MGAT4C: variants seen among roughly 807,000 people sequenced by gnomAD.
MGAT4C encodes MGAT4 family member C, also known as alpha-1,3-mannosyl-glycoprotein 4-beta-N-acetylglucosaminyltransferase C.
MGAT4C carries 19 observed loss-of-function variants against 40.1 expected under a neutral mutation model. The observed-to-expected ratio is 0.47, with a 90% CI of 0.33 to 0.70. The LOEUF is 0.70. MGAT4C is among the 30% of genes least tolerant of loss of function. The pLI is 0.02. For missense variants in MGAT4C, 491 were observed against 563.2 expected, an observed-to-expected ratio of 0.87 and a Z score of 1.30; for synonymous variants, 181 against 187.1, an observed-to-expected ratio of 0.97 and a Z score of 0.27.
intron 1 of MGAT4C, among the ~76,000 whole-genome samples, chr12:86,064,510 A>C (rs1489400094): frequency 6.6e-6 from 1 of 152,262 alleles, no homozygotes. Flanking sequence ...TGTTCTTTGA[A>C]ACCAATGATA....
chr12:86,084,335 G>C (rs763021395), intron 1 of MGAT4C, among the ~76,000 whole-genome samples: 1 of 151,960 alleles, frequency 6.6e-6, no homozygotes, highest in Admixed American at 6.6e-5. Context: ...AGTATATGAA[G>C]TATTGTACCA....
chr12:86,556,853 C>T (rs1959635274), intron 2 of MGAT4C, among the ~76,000 whole-genome samples: 1 of 152,072 alleles, frequency 6.6e-6, no homozygotes. Flanking sequence ...CTCAACTATT[C>T]AGTTACAAAT....
chr12:86,407,689 CTG>C (rs1331455843), intron 3 of MGAT4C, among the ~76,000 whole-genome samples: 7 of 151,980 alleles, frequency 4.6e-5, no homozygotes, highest in African/African-American at 2.4e-5. Flanking sequence ...TTTCATAAAA[CTG>C]TTTATTCTGT....
intron 2 of MGAT4C, among the ~76,000 whole-genome samples, chr12:86,479,120 A>G (rs1275983383): frequency 6.6e-6 from 1 of 152,056 alleles, no homozygotes. Flanking sequence ...TTTCTAAACT[A>G]TGAAAAATTT....
intron 2 of MGAT4C, among the ~76,000 whole-genome samples, chr12:86,699,374 G>T (rs931179908): frequency 6.6e-6 from 1 of 152,074 alleles, no homozygotes. Context: ...AAAAATATAC[G>T]TATTTTGATT....
At chr12:86,197,685 C>T (rs540066008) in intron 1 of MGAT4C, among the ~76,000 whole-genome samples, 3 of 152,256 alleles carry the variant, frequency 2.0e-5, no homozygotes, top group African/African-American at 7.2e-5. Flanking sequence ...GCAGCTCAAA[C>T]TAAGATAGAC....
intron 2 of MGAT4C, chr12:86,013,605 A>T: frequency 3.1e-6 from 1 of 326,934 alleles, no homozygotes; most frequent in Non-Finnish European, 4.4e-6. Context: ...AATTATACAT[A>T]TATAAATAGA....
intron 2 of MGAT4C, among the ~76,000 whole-genome samples, chr12:86,569,118 G>A (rs1265227185): frequency 2.0e-5 from 3 of 151,950 alleles, no homozygotes; most frequent in African/African-American, 7.3e-5. Flanking sequence ...CAGGAGAATA[G>A]TCTAGGCAAA....
chr12:86,157,655 T>C (rs1885119530), intron 1 of MGAT4C, among the ~76,000 whole-genome samples: 2 of 151,380 alleles, frequency 1.3e-5, no homozygotes, highest in South Asian at 2.1e-4. Context: ...TTCCACATGG[T>C]TTTGGAGGCC....
At chr12:86,612,467 G>T (rs1373227364) in intron 2 of MGAT4C, among the ~76,000 whole-genome samples, 1 of 151,894 alleles carries the variant, frequency 6.6e-6, no homozygotes, top group South Asian at 2.1e-4. Flanking sequence ...AAGTAGATGT[G>T]GGCCAGGCGC....
intron 2 of MGAT4C, among the ~76,000 whole-genome samples, chr12:86,467,571 ATG>A (rs1425245101): frequency 2.6e-5 from 4 of 152,140 alleles, no homozygotes; most frequent in African/African-American, 9.6e-5. Flanking sequence ...TGCTTTTTTT[ATG>A]TGTTATAAAC....
intron 1 of MGAT4C, among the ~76,000 whole-genome samples, chr12:86,740,956 G>A (rs975076184): frequency 4.6e-5 from 7 of 150,846 alleles, no homozygotes; most frequent in Admixed American, 1.3e-4. Flanking sequence ...CCCAGGTAGT[G>A]AGCATAATAT....
At chr12:86,305,876 C>T (rs902948741) in intron 4 of MGAT4C, among the ~76,000 whole-genome samples, 5 of 150,280 alleles carry the variant, frequency 3.3e-5, no homozygotes, top group South Asian at 4.2e-4. Context: ...TCCAGGGATG[C>T]GATATCAGTG....
Position 85,968,393 on chromosome 12 carries a change from C to G in MGAT4C, c.*10896G>C, listed in dbSNP as rs1159806837. 1 of 151,926 alleles carries G rather than the reference C, an allele frequency of 6.6e-6. No individual in the cohort carries two copies. Among genetic ancestry groups the G allele is most frequent in the Non-Finnish European group, 1.5e-5 (1 of 67,914 alleles). The allele number at this position is 151,926 out of a possible 1,614,324, so 9.4% of individuals were successfully genotyped here. ...TTAATAAGGTGCATATGTCAAGACT[C>G]AGGAAAACAGATCACTTACGTAGTT... On this transcript the variant is annotated 3_prime_UTR_variant, in exon 5 of 5. Coordinates refer to ENST00000611864, the MANE Select transcript of MGAT4C (RefSeq NM_001351288.2).
At position 86,491,597 on chromosome 12, in the gene MGAT4C, G is replaced by C. The variant is rs1489898316; in HGVS notation, c.-228-56332C>G. On this transcript the variant is annotated intron_variant, in intron 2 of 7. Transcript: ENST00000548651. The stretch of plus-strand genomic sequence containing the variant: ...CAGGCCTTTGACAAAATTCAACAAC[G>C]CTTCATGCTAAAAACTCTCAATAAA... 3.0e-3 allele frequency among the ~76,000 whole-genome samples: 462 copies of C among 151,614 alleles called. 1 individual carries two copies. The highest frequency in any genetic ancestry group is 0.01 in the African/African-American group (433 of 41,288).
rs1182682063 is a variant in MGAT4C, at chr12:86,212,914, A to C, written c.-57+43325T>G. 1.4e-5 allele frequency among the ~76,000 whole-genome samples: 2 copies of C among 147,496 alleles called. 1 individual carries two copies. The highest frequency in any genetic ancestry group is 3.0e-5 in the Non-Finnish European group (2 of 66,544). ...CTCAAAAAAAAAAAAAAAAAAAAAA[A>C]AAAAAAAGAACACTCATTAACTGTT... On this transcript the variant is annotated intron_variant, in intron 1 of 4. Transcript: ENST00000611864.
chr12:86,377,569 C>G (rs549675049), intron 3 of MGAT4C, among the ~76,000 whole-genome samples: 1 of 152,058 alleles, frequency 6.6e-6, no homozygotes, highest in Non-Finnish European at 1.5e-5. Context: ...GCGCTCTTAA[C>G]GATGTTTTAA....
At chr12:86,295,504 T>C (rs1051288231) in intron 4 of MGAT4C, among the ~76,000 whole-genome samples, 1 of 152,254 alleles carries the variant, frequency 6.6e-6, no homozygotes, top group Non-Finnish European at 1.5e-5. Context: ...ATAAAAGCAG[T>C]GTGGACCCAA....
rs1181219227 is a variant in MGAT4C, at chr12:85,974,546, T to C, written c.*4743A>G. ...ACATATGTACATACACATATGTATATATACATACACACAGATTGAGAGATT... is the reference window on the plus strand; with the variant it reads ...ACATATGTACATACACATATGTATACATACATACACACAGATTGAGAGATT... On this transcript the variant is annotated 3_prime_UTR_variant, in exon 5 of 5. Coordinates refer to ENST00000611864, the MANE Select transcript of MGAT4C (RefSeq NM_001351288.2). The C allele has an allele frequency of 1.3e-5, 2 of 150,642 alleles. No homozygotes were observed. The highest frequency in any genetic ancestry group is 3.0e-5 in the Non-Finnish European group (2 of 67,024). The allele number at this position is 150,642 out of a possible 1,614,324, so 9.3% of individuals were successfully genotyped here.
Sources: gnomAD v4.1 joint callset for allele counts (sites outside exome capture counted in the v4.1 genomes callset) on GRCh38, gnomAD v4.1.1 for gene constraint, MANE v1.5 for transcripts, NCBI Gene and HGNC (gene_info 2026-07-23, HGNC 2026-07-21) for gene names.